The following SSBP3 variants were observed in gnomAD, a reference collection of about 807,000 sequenced individuals.
SSBP3 encodes single-stranded DNA-binding protein 3.
In SSBP3, 5 loss-of-function variants were observed where a neutral mutation model predicts 69.6. The ratio of observed to expected loss-of-function variants is 0.07; its 90% CI spans 0.04 to 0.15. The LOEUF (loss-of-function observed/expected upper bound fraction) is 0.15. Ranked by LOEUF, SSBP3 falls within the 10% of genes least tolerant of loss-of-function variation. SSBP3 has a pLI of 1.00. For missense variants in SSBP3, 312 were observed against 534.0 expected (o/e 0.58, Z 4.10); for synonymous variants, 196 against 193.4 (o/e 1.01, Z -0.11).
chr1:54,237,175 C>G (rs907733404), intron 14 of SSBP3: 1 of 152,182 alleles, frequency 6.6e-6, no homozygotes, highest in African/African-American at 2.4e-5. Context: ...CAGCCCTTGA[C>G]GCACTCGGAA....
chr1:54,243,342 C>A, intron 9 of SSBP3, 43 bp from the exon 10 acceptor site: 4 of 1,611,150 alleles, frequency 2.5e-6, no homozygotes, highest in Middle Eastern at 3.3e-4. Context: ...AGAAGGGAAC[C>A]GGAGACAGGA....
chr1:54,398,334 T>C (rs1557593064), intron 4 of SSBP3, among the ~76,000 whole-genome samples: 2 of 152,224 alleles, frequency 1.3e-5, no homozygotes, highest in South Asian at 2.1e-4. Context: ...TATTCTCTAG[T>C]CTCTTTGGCT....
chr1:54,309,879 C>G (rs112420725), intron 4 of SSBP3, among the ~76,000 whole-genome samples: 1 of 152,086 alleles, frequency 6.6e-6, no homozygotes, highest in South Asian at 2.1e-4. Context: ...GCTTTCTTGT[C>G]GTTTCCAAAA....
At chr1:54,238,999 G>T in intron 14 of SSBP3, 130 bp downstream of exon 14, 1 of 736,654 alleles carries the variant, frequency 1.4e-6, no homozygotes, top group Non-Finnish European at 2.2e-6. Context: ...TCACTTTTCT[G>T]ACGGTTTATT....
At chr1:54,252,696 C>T (rs752111699) in intron 7 of SSBP3, among the ~76,000 whole-genome samples, 7 of 152,218 alleles carry the variant, frequency 4.6e-5, no homozygotes, top group Non-Finnish European at 1.0e-4. Flanking sequence ...CGCTGTGAAA[C>T]CCTATGAAAA....
upstream of SSBP3, among the ~76,000 whole-genome samples, chr1:54,409,829 C>T (rs1649942544): frequency 6.6e-6 from 1 of 152,138 alleles, no homozygotes; most frequent in Admixed American, 6.5e-5. Flanking sequence ...TGTTCTAGGC[C>T]TTGGGAGATA....
intron 5 of SSBP3, among the ~76,000 whole-genome samples, chr1:54,268,973 C>T (rs1319771192): frequency 3.3e-5 from 5 of 152,178 alleles, no homozygotes; most frequent in African/African-American, 1.2e-4. Flanking sequence ...GGTCACCCTA[C>T]CTGCCTCACA....
chr1:54,241,516 A>G lies in SSBP3; in HGVS notation c.766-7T>C. On this transcript the variant is annotated splice_polypyrimidine_tract_variant and splice_region_variant and intron_variant, in intron 11 of 17. Transcript: ENST00000610401. ...ATGAGGAGGAGTATGGAATCTAAAA[A>G]CAAGATGTCAGGGAGCCCCACGTCA... 1 of 1,613,952 alleles carries G rather than the reference A, an allele frequency of 6.2e-7. No individual in the cohort carries two copies. Among genetic ancestry groups the G allele is most frequent in the Non-Finnish European group, 8.5e-7 (1 of 1,179,960 alleles).
intron 4 of SSBP3, among the ~76,000 whole-genome samples, chr1:54,364,367 G>A (rs764253793): frequency 8.5e-4 from 130 of 152,264 alleles, no homozygotes; most frequent in Admixed American, 2.2e-3. Flanking sequence ...AAAGAATAAA[G>A]ACAGCTAGTT....
intron 4 of SSBP3, among the ~76,000 whole-genome samples, chr1:54,293,151 G>A (rs1645638626): frequency 6.6e-6 from 1 of 152,110 alleles, no homozygotes; most frequent in Non-Finnish European, 1.5e-5. Flanking sequence ...TGCCACTTCG[G>A]AGCTCACTAC....
At chr1:54,363,673 C>A (rs1210382146) in intron 4 of SSBP3, among the ~76,000 whole-genome samples, 1 of 151,984 alleles carries the variant, frequency 6.6e-6, no homozygotes, top group Non-Finnish European at 1.5e-5. Context: ...ATAAAAGTCC[C>A]CCAAAAACAA....
At chr1:54,349,511 C>T (rs1646747254) in intron 4 of SSBP3, among the ~76,000 whole-genome samples, 1 of 152,180 alleles carries the variant, frequency 6.6e-6, no homozygotes, top group South Asian at 2.1e-4. Context: ...ATCCTGGGAA[C>T]AAAAGGCTAC....
intron 4 of SSBP3, among the ~76,000 whole-genome samples, chr1:54,285,756 AC>A (rs1297897383): frequency 6.6e-6 from 1 of 151,584 alleles, no homozygotes; most frequent in Non-Finnish European, 1.5e-5. Flanking sequence ...ACCCCTGAAA[AC>A]CCCCATTATT....
At chr1:54,401,753 G>A in intron 4 of SSBP3, 108 bp downstream of exon 4, 2 of 866,482 alleles carry the variant, frequency 2.3e-6, no homozygotes, top group Non-Finnish European at 3.7e-6. Context: ...AGAAACGCAA[G>A]AAGCAAATAA....
intron 4 of SSBP3, among the ~76,000 whole-genome samples, chr1:54,399,608 CTTAAAAGATGAATAGGAT>C (rs1414208557): frequency 6.6e-6 from 1 of 152,032 alleles, no homozygotes; most frequent in Non-Finnish European, 1.5e-5. Context: ...AGAAGGAGGT[CTTAAAAGATGAATAGGAT>C]TTGAATGGGT....
chr1:54,309,197 G>C (rs1384000787), intron 4 of SSBP3, among the ~76,000 whole-genome samples: 1 of 152,196 alleles, frequency 6.6e-6, no homozygotes, highest in African/African-American at 2.4e-5. Context: ...CCACTCATTT[G>C]CTTGACAAAC....
chr1:54,251,547 G>A, intron 9 of SSBP3, 69 bp downstream of exon 9: 1 of 1,470,014 alleles, frequency 6.8e-7, no homozygotes, highest in Non-Finnish European at 9.3e-7. Flanking sequence ...GACAGAGCAT[G>A]GAAACAGGAG....
intron 4 of SSBP3, among the ~76,000 whole-genome samples, chr1:54,336,511 C>G (rs1392731022): frequency 6.6e-6 from 1 of 152,188 alleles, no homozygotes; most frequent in Non-Finnish European, 1.5e-5. Flanking sequence ...CAGAGCCTCC[C>G]AAGCCCACGG....
intron 13 of SSBP3, among the ~76,000 whole-genome samples, chr1:54,240,095 C>CGCGT (rs1461195809): frequency 2.3e-4 from 3 of 12,972 alleles, no homozygotes; most frequent in Admixed American, 2.2e-3. Context: ...TGTGCGCGCG[C>CGCGT]GCGCGTGTGC....
Sources: gnomAD v4.1 joint callset for allele counts (sites outside exome capture counted in the v4.1 genomes callset) on GRCh38, gnomAD v4.1.1 for gene constraint, MANE v1.5 for transcripts, NCBI Gene and HGNC (gene_info 2026-07-23, HGNC 2026-07-21) for gene names.